Variants in LUZP2 observed in about 807,000 individuals in gnomAD.
LUZP2 encodes the protein leucine zipper protein 2.
A neutral mutation model predicts 51.6 loss-of-function variants in LUZP2; 52 were observed. The ratio of observed to expected loss-of-function variants is 1.01; its 90% CI spans 0.81 to 1.27. LUZP2 has a LOEUF of 1.27. Ranked by LOEUF, LUZP2 falls within the 50% of genes most tolerant of loss-of-function variation. The pLI is 0.00. For missense variants in LUZP2, 436 were observed against 395.4 expected (o/e 1.10, Z -0.87); for synonymous variants, 154 against 137.3 (o/e 1.12, Z -0.85).
chr11:24,552,427 A>G (rs1490626055), intron 1 of LUZP2, among the ~76,000 whole-genome samples: 4 of 152,034 alleles, frequency 2.6e-5, no homozygotes, highest in Admixed American at 2.0e-4. Flanking sequence ...TAAGCCCACC[A>G]TGATGCCTAC....
intron 1 of LUZP2, among the ~76,000 whole-genome samples, chr11:24,628,421 GA>G (rs1854759567): frequency 6.6e-6 from 1 of 152,086 alleles, no homozygotes; most frequent in Non-Finnish European, 1.5e-5. Context: ...ACAGATCTAA[GA>G]CTTCAAATGA....
Position 24,650,058 on chromosome 11 carries a change from C to T in LUZP2, c.63-79111C>T, listed in dbSNP as rs564153985. ...TCTGCTGATCATCCTATATCTGTTCCAAGCTATTAAGGCCTTCTTGAAACA... is the reference window on the plus strand; with the variant it reads ...TCTGCTGATCATCCTATATCTGTTCTAAGCTATTAAGGCCTTCTTGAAACA... On this transcript the variant is annotated intron_variant, in intron 1 of 11. Transcript: ENST00000336930. 9.2e-5 allele frequency among the ~76,000 whole-genome samples: 14 copies of T among 151,352 alleles called. No individual in the cohort carries two copies. The South Asian group carries it at 2.7e-3, about 29-fold the overall frequency.
intron 9 of LUZP2, among the ~76,000 whole-genome samples, chr11:25,000,009 A>C (rs889321897): frequency 6.6e-6 from 1 of 152,134 alleles, no homozygotes; most frequent in African/African-American, 2.4e-5. Flanking sequence ...GGCCCCGCCC[A>C]TATCCTGCTG....
chr11:24,939,227 A>G (rs1854676019), intron 7 of LUZP2, among the ~76,000 whole-genome samples: 1 of 152,096 alleles, frequency 6.6e-6, no homozygotes, highest in African/African-American at 2.4e-5. Flanking sequence ...AAAAAAGTGC[A>G]CTCGTACTTG....
chr11:24,853,288 C>A (rs1352793130), intron 5 of LUZP2, among the ~76,000 whole-genome samples: 1 of 152,022 alleles, frequency 6.6e-6, no homozygotes, highest in African/African-American at 2.4e-5. Context: ...AATCTCTCAG[C>A]ATTTGCTTGT....
chr11:24,992,305 A>G (rs1856372880), intron 9 of LUZP2, among the ~76,000 whole-genome samples: 1 of 152,050 alleles, frequency 6.6e-6, no homozygotes, highest in Admixed American at 6.6e-5. Flanking sequence ...CAGTAGGCAA[A>G]CATTTATTGT....
At chr11:24,499,823 C>T (rs922399706) in intron 1 of LUZP2, among the ~76,000 whole-genome samples, 4 of 151,966 alleles carry the variant, frequency 2.6e-5, no homozygotes, top group African/African-American at 9.7e-5. Flanking sequence ...TGCCTTAATA[C>T]TTTGCTATTT....
At chr11:24,555,208 A>G (rs1450583644) in intron 1 of LUZP2, among the ~76,000 whole-genome samples, 2 of 152,154 alleles carry the variant, frequency 1.3e-5, no homozygotes, top group African/African-American at 4.8e-5. Flanking sequence ...GCGATATGGA[A>G]GAAAGCCATA....
intron 5 of LUZP2, among the ~76,000 whole-genome samples, chr11:24,832,679 T>C (rs955130227): frequency 6.6e-6 from 1 of 151,732 alleles, no homozygotes; most frequent in African/African-American, 2.4e-5. Context: ...ATAAATGTAG[T>C]TAGAAATAAA....
chr11:24,870,490 G>GCACACACAGAC (rs1852032410), intron 5 of LUZP2, among the ~76,000 whole-genome samples: 1 of 145,634 alleles, frequency 6.9e-6, no homozygotes, highest in African/African-American at 2.6e-5. Flanking sequence ...CACACACACA[G>GCACACACAGAC]ACACACACAC....
At chr11:24,717,178 A>G (rs1858080246) in intron 1 of LUZP2, among the ~76,000 whole-genome samples, 1 of 152,136 alleles carries the variant, frequency 6.6e-6, no homozygotes, top group African/African-American at 2.4e-5. Flanking sequence ...TTCTAGGCTG[A>G]TGTAACCATT....
intron 1 of LUZP2, among the ~76,000 whole-genome samples, chr11:24,678,388 C>T (rs2133864187): frequency 6.6e-6 from 1 of 152,258 alleles, no homozygotes. Context: ...GGCCACAAAC[C>T]CCAGCAGAAT....
intron 5 of LUZP2, among the ~76,000 whole-genome samples, chr11:24,822,996 TG>T (rs1410913219): frequency 6.6e-6 from 1 of 152,208 alleles, no homozygotes; most frequent in Non-Finnish European, 1.5e-5. Flanking sequence ...AGCAAATATT[TG>T]TATGTATTTC....
intron 5 of LUZP2, among the ~76,000 whole-genome samples, chr11:24,865,540 G>A (rs1851862604): frequency 6.6e-6 from 1 of 152,124 alleles, no homozygotes; most frequent in South Asian, 2.1e-4. Flanking sequence ...GCTATAGGCA[G>A]GAGTGGCATG....
At chr11:24,795,829 C>T (rs920882356) in intron 5 of LUZP2, among the ~76,000 whole-genome samples, 17 of 151,910 alleles carry the variant, frequency 1.1e-4, no homozygotes, top group Admixed American at 9.9e-4. Flanking sequence ...CAGTGTTATG[C>T]GCCTCACTGA....
rs71044309 is a variant in LUZP2 at position 24,833,712 on chromosome 11, G to GCACACACACACACACACACA, written c.396+70423_396+70424insACACACACACACACACACAC. 9.0e-3 allele frequency among the ~76,000 whole-genome samples: 1,321 copies of GCACACACACACACACACACA among 147,196 alleles called. 5 individuals carry two copies. The highest frequency in any genetic ancestry group is 0.043 in the Middle Eastern group (12 of 280). ...CCCCCACGCCTGCCACCGCGCGCGC[G>GCACACACACACACACACACA]CACACACACACACACACACTTGATT... On this transcript the variant is annotated intron_variant, in intron 5 of 11. Transcript: ENST00000336930.
At chr11:24,683,337 G>C (rs886964041) in intron 1 of LUZP2, among the ~76,000 whole-genome samples, 1 of 152,150 alleles carries the variant, frequency 6.6e-6, no homozygotes, top group Admixed American at 6.5e-5. Context: ...ATATCAGTAG[G>C]TAGTACAGAA....
At chr11:24,978,916 C>T (rs1041187225) in intron 8 of LUZP2, among the ~76,000 whole-genome samples, 2 of 151,612 alleles carry the variant, frequency 1.3e-5, no homozygotes, top group Non-Finnish European at 3.0e-5. Flanking sequence ...CCAATTCCAC[C>T]TCCCAACCCC....
intron 5 of LUZP2, among the ~76,000 whole-genome samples, chr11:24,823,301 C>T (rs1448156475): frequency 6.7e-6 from 1 of 149,786 alleles, no homozygotes; most frequent in Non-Finnish European, 1.5e-5. Flanking sequence ...TCCAAAGGCA[C>T]TGAGGTTTCA....
Sources: gnomAD v4.1 joint callset for allele counts (sites outside exome capture counted in the v4.1 genomes callset) on GRCh38, gnomAD v4.1.1 for gene constraint, MANE v1.5 for transcripts, NCBI Gene and HGNC (gene_info 2026-07-23, HGNC 2026-07-21) for gene names.